RNF130: variants seen among roughly 807,000 people sequenced by gnomAD.
The protein encoded by RNF130 is ring finger protein 130.
In RNF130, 21 loss-of-function variants were observed where a neutral mutation model predicts 44.6. The observed-to-expected ratio is 0.47, with a 90% CI of 0.33 to 0.68. The LOEUF (loss-of-function observed/expected upper bound fraction) is 0.68, where lower values mean the gene tolerates loss of function less well. Ranked by LOEUF, RNF130 falls within the 30% of genes least tolerant of loss-of-function variation. The pLI, the probability that RNF130 is intolerant of heterozygous loss-of-function variation, is 0.02. For missense variants in RNF130, 479 were observed against 560.6 expected (o/e 0.85, Z 1.47); for synonymous variants, 214 against 210.4 (o/e 1.02, Z -0.15).
intron 5 of RNF130, among the ~76,000 whole-genome samples, chr5:179,971,878 C>G (rs1223017945): frequency 6.6e-6 from 1 of 152,164 alleles, no homozygotes; most frequent in African/African-American, 2.4e-5. Flanking sequence ...TATACACACA[C>G]GTCTGCCTAT....
At chr5:180,047,722 C>T (rs1264261568) in intron 1 of RNF130, among the ~76,000 whole-genome samples, 1 of 152,106 alleles carries the variant, frequency 6.6e-6, no homozygotes, top group Non-Finnish European at 1.5e-5. Flanking sequence ...CCAGCCTGGG[C>T]GACAGAGTGA....
intron 1 of RNF130, among the ~76,000 whole-genome samples, chr5:180,042,286 A>G (rs1410854039): frequency 1.3e-5 from 2 of 152,232 alleles, no homozygotes; most frequent in East Asian, 3.9e-4. Flanking sequence ...GACTGCACCA[A>G]GAGTGTATTT....
At chr5:179,926,048 T>C (rs996281457) in intron 7 of RNF130, among the ~76,000 whole-genome samples, 2 of 152,144 alleles carry the variant, frequency 1.3e-5, no homozygotes, top group Non-Finnish European at 2.9e-5. Flanking sequence ...ACGCTACCCA[T>C]ACGATAAGGT....
At chr5:179,930,757 G>T (rs1250905747) in intron 7 of RNF130, among the ~76,000 whole-genome samples, 2 of 152,170 alleles carry the variant, frequency 1.3e-5, no homozygotes, top group African/African-American at 4.8e-5. Context: ...CAAGAATGGA[G>T]GCTGGGCGTG....
At chr5:180,071,345 C>T in intron 1 of RNF130, 111 bp downstream of exon 1, 2 of 1,088,864 alleles carry the variant, frequency 1.8e-6, no homozygotes, top group African/African-American at 1.6e-5. Context: ...CTGGGGCTGT[C>T]GGCCGGGCAG....
intron 6 of RNF130, among the ~76,000 whole-genome samples, 197 bp downstream of exon 6, chr5:179,970,213 A>T (rs551286987): frequency 6.6e-6 from 1 of 152,290 alleles, no homozygotes; most frequent in African/African-American, 2.4e-5. Context: ...CTCTTCCAGG[A>T]GTTCTCTGAG....
At chr5:179,998,658 T>G (rs1763255502) in intron 3 of RNF130, among the ~76,000 whole-genome samples, 1 of 151,984 alleles carries the variant, frequency 6.6e-6, no homozygotes, top group Non-Finnish European at 1.5e-5. Flanking sequence ...ATTCTACTGG[T>G]GATGAAAACA....
intron 3 of RNF130, among the ~76,000 whole-genome samples, chr5:180,010,081 A>C (rs1763555938): frequency 6.6e-6 from 1 of 151,870 alleles, no homozygotes; most frequent in Non-Finnish European, 1.5e-5. Flanking sequence ...CCCCATCTCT[A>C]CTAAAAATAC....
intron 7 of RNF130, among the ~76,000 whole-genome samples, chr5:179,938,989 G>A (rs771650521): frequency 1.7e-4 from 26 of 152,250 alleles, no homozygotes; most frequent in Admixed American, 3.3e-4. Flanking sequence ...AAAACTTTGC[G>A]AGGCTGAGGT....
At chr5:179,922,848 C>T (rs1329596265) in intron 7 of RNF130, among the ~76,000 whole-genome samples, 4 of 151,746 alleles carry the variant, frequency 2.6e-5, no homozygotes, top group Non-Finnish European at 2.9e-5. Context: ...GTGGGAGGAT[C>T]GCTTGAGTCC....
chr5:180,035,702 A>C (rs1437132989), intron 2 of RNF130, among the ~76,000 whole-genome samples: 1 of 152,188 alleles, frequency 6.6e-6, no homozygotes, highest in African/African-American at 2.4e-5. Flanking sequence ...GGTGTGTCTG[A>C]CAGTGTCCCA....
At chr5:179,948,896 T>C (rs1762084877) in intron 7 of RNF130, among the ~76,000 whole-genome samples, 1 of 151,940 alleles carries the variant, frequency 6.6e-6, no homozygotes, top group African/African-American at 2.4e-5. Context: ...TGCTTTCCCG[T>C]GGAGGGTCTT....
Position 180,057,547 on chromosome 5 carries a change from C to CA in RNF130, c.247+13908dup, listed in dbSNP as rs796667044. Reference sequence around the variant, plus strand: ...TGGGTGACAGAGCGAAACTCAGTCTCAAAAAAAAAAAATCATGTGTAATGT... The same window carrying CA: ...TGGGTGACAGAGCGAAACTCAGTCTCAAAAAAAAAAAAATCATGTGTAATGT... On this transcript the variant is annotated intron_variant, in intron 1 of 8. Coordinates refer to ENST00000521389, the MANE Select transcript of RNF130 (RefSeq NM_018434.6). Among the ~76,000 whole-genome samples the CA allele has an allele frequency of 9.0e-3, 1,284 of 142,772 alleles. 21 individuals carry two copies. Among genetic ancestry groups the CA allele is most frequent in the African/African-American group, 0.03 (1,168 of 38,858 alleles). 93.7% of individuals were successfully genotyped at this position (142,772 alleles called of 152,430 possible).
chr5:180,017,794 G>T (rs923224078), intron 2 of RNF130, among the ~76,000 whole-genome samples: 18 of 152,198 alleles, frequency 1.2e-4, no homozygotes, highest in African/African-American at 4.3e-4. Context: ...TCAGAATTAA[G>T]CTCCTTTGGG....
intron 5 of RNF130, among the ~76,000 whole-genome samples, chr5:179,975,833 T>A (rs1207754631): frequency 6.6e-6 from 1 of 152,006 alleles, no homozygotes; most frequent in Non-Finnish European, 1.5e-5. Flanking sequence ...ACAAACCACT[T>A]CTATGGTGGC....
At chr5:179,929,822 G>A (rs1004721996) in intron 7 of RNF130, among the ~76,000 whole-genome samples, 4 of 152,040 alleles carry the variant, frequency 2.6e-5, no homozygotes, top group Admixed American at 6.6e-5. Context: ...GGGTGTGACC[G>A]AAATCACAGT....
intron 1 of RNF130, among the ~76,000 whole-genome samples, chr5:180,069,968 G>C (rs903462732): frequency 2.0e-5 from 3 of 152,212 alleles, no homozygotes; most frequent in Non-Finnish European, 4.4e-5. Context: ...AGGATCTGAA[G>C]TTCAGACCAT....
At chr5:179,980,548 G>C (rs766590244) in intron 3 of RNF130, 1 of 216,104 alleles carries the variant, frequency 4.6e-6, no homozygotes, top group Non-Finnish European at 9.5e-6. Context: ...GCACACTCCA[G>C]AGCCACTCCT....
Position 179,949,201 on chromosome 5 carries a change from G to A in RNF130, c.1150+17605C>T, listed in dbSNP as rs368912285. 2.2e-4 allele frequency among the ~76,000 whole-genome samples: 33 copies of A among 151,946 alleles called. 1 individual carries two copies. Among genetic ancestry groups the A allele is most frequent in the Middle Eastern group, 3.4e-3 (1 of 294 alleles). Reference sequence around the variant, plus strand: ...GCTGATCTCGAACTCCTGACCTCAGGTGATCTGCCTGCCTTGGCCTCCCAA... The same window carrying A: ...GCTGATCTCGAACTCCTGACCTCAGATGATCTGCCTGCCTTGGCCTCCCAA... On this transcript the variant is annotated intron_variant, in intron 7 of 7. Transcript: ENST00000522208.
Sources: gnomAD v4.1 joint callset for allele counts (sites outside exome capture counted in the v4.1 genomes callset) on GRCh38, gnomAD v4.1.1 for gene constraint, MANE v1.5 for transcripts, NCBI Gene and HGNC (gene_info 2026-07-23, HGNC 2026-07-21) for gene names.